Variants in PPFIA2 observed in about 807,000 individuals in gnomAD.
The protein encoded by PPFIA2 is PPFI scaffold protein A2, also known as liprin-alpha-2.
In PPFIA2, 46 loss-of-function variants were observed where a neutral mutation model predicts 175.5. That is an observed-to-expected ratio of 0.26 (90% CI 0.21 to 0.34). The LOEUF (loss-of-function observed/expected upper bound fraction) is 0.34. PPFIA2 is among the 10% of genes least tolerant of loss of function. PPFIA2 has a pLI of 1.00. For synonymous variants in PPFIA2, 568 were observed against 511.4 expected (o/e 1.11, Z -1.49); for missense variants, 1,179 against 1,506.1 (o/e 0.78, Z 3.60).
rs1302304321 is a variant in PPFIA2 at position 81,642,762 on chromosome 12, GTATA to G, written c.303+34025_303+34028del. ...GTATGTATGTATTATATACATACAT[GTATA>G]TGTATGTATGTATTATATACATACA... On this transcript the variant is annotated intron_variant, in intron 4 of 32. Coordinates refer to ENST00000549396, the MANE Select transcript of PPFIA2 (RefSeq NM_003625.5). Among the ~76,000 whole-genome samples, 11 of 4,252 alleles carry G rather than the reference GTATA, an allele frequency of 2.6e-3. 3 individuals carry two copies. The highest frequency in any genetic ancestry group is 5.2e-3 in the Non-Finnish European group (9 of 1,716). The allele number at this position is 4,252 out of a possible 152,430, so 2.8% of individuals were successfully genotyped here. A position where few individuals can be genotyped will look rare whatever the true frequency, so the allele number is the denominator to read the frequency against.
At chr12:81,464,995 A>G (rs2055341786) in intron 4 of PPFIA2, among the ~76,000 whole-genome samples, 1 of 152,094 alleles carries the variant, frequency 6.6e-6, no homozygotes, top group African/African-American at 2.4e-5. Flanking sequence ...TAAATGCTTG[A>G]AAGGCTTTGA....
At chr12:81,494,406 A>G (rs1007014464) in intron 4 of PPFIA2, among the ~76,000 whole-genome samples, 103 of 152,298 alleles carry the variant, frequency 6.8e-4, no homozygotes, top group Admixed American at 2.2e-3. Flanking sequence ...ATCATCTCAC[A>G]CCAGTTAGAA....
chr12:81,736,035 G>C (rs1412124744), intron 3 of PPFIA2, among the ~76,000 whole-genome samples: 2 of 151,760 alleles, frequency 1.3e-5, no homozygotes, highest in Non-Finnish European at 2.9e-5. Flanking sequence ...TTTCAAGATT[G>C]TTTTAATTAT....
chr12:81,603,825 T>TA lies in PPFIA2; in HGVS notation c.303+72965dup, dbSNP rs60363527. Among the ~76,000 whole-genome samples the TA allele has an allele frequency of 6.8e-3, 706 of 103,306 alleles. 9 individuals carry two copies. Among genetic ancestry groups the TA allele is most frequent in the South Asian group, 0.017 (52 of 2,998 alleles). The allele number at this position is 103,306 out of a possible 152,430, so 67.8% of individuals were successfully genotyped here. A position where few individuals can be genotyped will look rare whatever the true frequency, so the allele number is the denominator to read the frequency against. ...TCAAGGACAGAATCACTATTCTGAC[T>TA]AAAAAAAAAAAAAAAAAAAAAGCCC... On this transcript the variant is annotated intron_variant, in intron 4 of 32. Transcript: ENST00000549396.
intron 7 of PPFIA2, among the ~76,000 whole-genome samples, chr12:81,426,707 G>A (rs546642972): frequency 6.6e-6 from 1 of 151,994 alleles, no homozygotes; most frequent in African/African-American, 2.4e-5. Context: ...CAAGAGTTCA[G>A]TTATTTGGAA....
chr12:81,731,890 G>A (rs753623439), intron 3 of PPFIA2, among the ~76,000 whole-genome samples: 4 of 151,540 alleles, frequency 2.6e-5, no homozygotes, highest in African/African-American at 4.8e-5. Flanking sequence ...TTAAACATGA[G>A]CTATCAATTC....
rs1487290650 is a variant in PPFIA2 at position 81,624,481 on chromosome 12, T to A, written c.303+52310A>T. Among the ~76,000 whole-genome samples, 4 of 146,828 alleles carry A rather than the reference T, an allele frequency of 2.7e-5. No individual in the cohort carries two copies. In the East Asian group the frequency reaches 7.8e-4, roughly 29 times the overall value. On this transcript the variant is annotated intron_variant, in intron 4 of 32. Coordinates refer to ENST00000549396, the MANE Select transcript of PPFIA2 (RefSeq NM_003625.5). ...AGTGACCTGGGCATATATATATATA[T>A]CATACATTAATGATACTATATATTA...
intron 4 of PPFIA2, among the ~76,000 whole-genome samples, chr12:81,567,337 C>G (rs189007911): frequency 1.1e-3 from 173 of 152,336 alleles, no homozygotes; most frequent in Non-Finnish European, 2.0e-3. Context: ...GCGTGATCCA[C>G]TGCGCCCGGC....
At chr12:81,266,544 T>C (rs2037310154) in intron 30 of PPFIA2, among the ~76,000 whole-genome samples, 1 of 152,184 alleles carries the variant, frequency 6.6e-6, no homozygotes, top group Admixed American at 6.5e-5. Flanking sequence ...GCAAGTTTTA[T>C]CCTCATTTTA....
intron 4 of PPFIA2, among the ~76,000 whole-genome samples, chr12:81,470,407 T>C (rs907701358): frequency 3.3e-5 from 5 of 152,152 alleles, no homozygotes; most frequent in Admixed American, 1.3e-4. Context: ...CTAGAATGGC[T>C]ATAATCAAAA....
At chr12:81,432,845 G>C (rs2048340019) in intron 7 of PPFIA2, among the ~76,000 whole-genome samples, 1 of 151,984 alleles carries the variant, frequency 6.6e-6, no homozygotes, top group African/African-American at 2.4e-5. Flanking sequence ...TGCCCAATAA[G>C]TATTTGTTAA....
At chr12:81,397,483 G>C (rs2041347377) in intron 8 of PPFIA2, among the ~76,000 whole-genome samples, 1 of 152,046 alleles carries the variant, frequency 6.6e-6, no homozygotes, top group African/African-American at 2.4e-5. Flanking sequence ...ATACTGCTGA[G>C]ACATCAACTA....
chr12:81,435,326 T>C (rs1052666599), intron 7 of PPFIA2, among the ~76,000 whole-genome samples: 3 of 152,188 alleles, frequency 2.0e-5, no homozygotes, highest in Non-Finnish European at 4.4e-5. Context: ...ATCTATACAA[T>C]AATTAACAAA....
chr12:81,391,812 T>C (rs1052750969), intron 8 of PPFIA2, among the ~76,000 whole-genome samples: 1 of 152,048 alleles, frequency 6.6e-6, no homozygotes, highest in Non-Finnish European at 1.5e-5. Flanking sequence ...TGCAGTTTTC[T>C]GGCAGAGGAA....
chr12:81,598,372 A>T, intron 4 of PPFIA2: 2 of 1,092,554 alleles, frequency 1.8e-6, no homozygotes, highest in Non-Finnish European at 2.2e-6. Flanking sequence ...ATCTGTTCTC[A>T]GTGATAATCA....
chr12:81,619,320 T>C (rs999690548), intron 4 of PPFIA2, among the ~76,000 whole-genome samples: 1 of 152,214 alleles, frequency 6.6e-6, no homozygotes, highest in African/African-American at 2.4e-5. Flanking sequence ...GTTAGATATG[T>C]AACTTTTCAA....
intron 4 of PPFIA2, among the ~76,000 whole-genome samples, chr12:81,519,430 G>A (rs1234555802): frequency 6.6e-6 from 1 of 152,098 alleles, no homozygotes; most frequent in Non-Finnish European, 1.5e-5. Flanking sequence ...GCTATTAATA[G>A]GAAATGGAGA....
chr12:81,548,817 T>C (rs919906103), intron 4 of PPFIA2, among the ~76,000 whole-genome samples: 6 of 152,172 alleles, frequency 3.9e-5, no homozygotes, highest in African/African-American at 2.4e-5. Context: ...AATAAGTATG[T>C]TGAATAAATG....
intron 3 of PPFIA2, among the ~76,000 whole-genome samples, chr12:81,704,442 A>G (rs1047532041): frequency 6.6e-6 from 1 of 152,160 alleles, no homozygotes; most frequent in African/African-American, 2.4e-5. Context: ...CACACAAAAC[A>G]ACTTGAAAAG....
Sources: gnomAD v4.1 joint callset for allele counts (sites outside exome capture counted in the v4.1 genomes callset) on GRCh38, gnomAD v4.1.1 for gene constraint, MANE v1.5 for transcripts, NCBI Gene and HGNC (gene_info 2026-07-23, HGNC 2026-07-21) for gene names.